The following PRCD variants were observed in gnomAD, a reference collection of about 807,000 sequenced individuals.
PRCD encodes the protein photoreceptor disc component.
PRCD carries 12 observed loss-of-function variants against 10.1 expected under a neutral mutation model. The ratio of observed to expected loss-of-function variants is 1.18; its 90% confidence interval spans 0.76 to 1.92. The LOEUF (loss-of-function observed/expected upper bound fraction) is 1.92. Ranked by LOEUF, PRCD falls within the 40% of genes most tolerant of loss-of-function variation. PRCD has a pLI of 0.00. For synonymous variants in PRCD, 31 were observed against 26.2 expected, an observed-to-expected ratio of 1.18 and a Z score of -0.56; for missense variants, 61 against 72.2, an observed-to-expected ratio of 0.84 and a Z score of 0.56.
exon 1 of PRCD, chr17:76,527,815 G>A (rs1449160939): frequency 4.4e-6 from 2 of 453,804 alleles, no homozygotes; most frequent in Non-Finnish European, 8.8e-6. Flanking sequence ...CTCTGCCCCT[G>A]CCCATTCTAG....
chr17:76,533,920 A>G lies in PRCD; in HGVS notation n.45+6087A>G, dbSNP rs2143099923. On this transcript the variant is annotated intron_variant and non_coding_transcript_variant, in intron 1 of 4. Transcript: ENST00000397633. The surrounding 1 kb of genome is among the most constrained non-coding windows in gnomAD (Gnocchi z 4.5). ...GTGGTGCCCGTCTGTAGTCCTAGCT[A>G]CTTGGGAGGCTGCAGCAGGAAGATC... 6.6e-6 allele frequency among the ~76,000 whole-genome samples: 1 copy of G among 152,042 alleles called. No individual in the cohort carries two copies. Among genetic ancestry groups the G allele is most frequent in the East Asian group, 1.9e-4 (1 of 5,172 alleles).
chr17:76,544,586 AGCCTGACCCAGGCCGTGAGCCCGTGATC>A lies in PRCD; in HGVS notation c.*942_*969del, dbSNP rs1358412002. ...CCTGCAGAGGCAAAGCCAGAGCGCCAGCCTGACCCAGGCCGTGAGCCCGTGATCGCCTGTCTCAGCTCCTGTCAGCCTG... is the reference window on the plus strand; with the variant it reads ...CCTGCAGAGGCAAAGCCAGAGCGCCAGCCTGTCTCAGCTCCTGTCAGCCTG... On this transcript the variant is annotated 3_prime_UTR_variant, in exon 5 of 5. Transcript: ENST00000592014. 6.6e-6 allele frequency: 3 copies of A among 456,634 alleles called. No individual in the cohort carries two copies. Among genetic ancestry groups the A allele is most frequent in the Non-Finnish European group, 8.8e-6 (2 of 226,990 alleles). 28.3% of individuals were successfully genotyped at this position (456,634 alleles called of 1,614,324 possible).
chr17:76,543,742 G>A (rs375538145), intron 4 of PRCD, 61 bp from the exon 5 acceptor site: 6 of 469,282 alleles, frequency 1.3e-5, no homozygotes, highest in African/African-American at 6.0e-5. Flanking sequence ...CTTGTGGTCC[G>A]AGGTGCTGGT....
At position 76,528,870 on chromosome 17, in the gene PRCD, CAT is replaced by C. The variant is rs1890406223; in HGVS notation, n.45+1039_45+1040del. The C allele has an allele frequency of 8.2e-7, 1 of 1,219,100 alleles. No homozygotes were observed. The highest frequency in any genetic ancestry group is 1.6e-5 in the African/African-American group (1 of 64,174). The allele number at this position is 1,219,100 out of a possible 1,614,324, so 75.5% of individuals were successfully genotyped here. On this transcript the variant is annotated intron_variant and non_coding_transcript_variant, in intron 1 of 4. Coordinates refer to the PRCD transcript ENST00000397633. The surrounding 1 kb of genome is among the most constrained non-coding windows in gnomAD (Gnocchi z 5.8). The stretch of plus-strand genomic sequence containing the variant: ...AATGTGAATAATGTCTGTCTTGTGA[CAT>C]AAACTGGGTAAAAAAGTGTTTCACA...
downstream of PRCD, among the ~76,000 whole-genome samples, chr17:76,549,063 A>G (rs747632787): frequency 1.3e-5 from 2 of 152,234 alleles, no homozygotes; most frequent in African/African-American, 4.8e-5. Flanking sequence ...AGGCAATCCA[A>G]TGGAGAAAGA....
At chr17:76,542,793 C>T (rs896865855) in intron 3 of PRCD, among the ~76,000 whole-genome samples, 160 bp downstream of exon 3, 3 of 152,220 alleles carry the variant, frequency 2.0e-5, no homozygotes, top group Non-Finnish European at 4.4e-5. Context: ...CCTTTGGCTG[C>T]TACCTTGAGC....
At chr17:76,532,049 A>T (rs2074850923) in intron 1 of PRCD, 1 of 194,984 alleles carries the variant, frequency 5.1e-6, no homozygotes, top group Non-Finnish European at 1.1e-5. Flanking sequence ...TCATGAGTTG[A>T]TCTGAAATTA....
upstream of PRCD, among the ~76,000 whole-genome samples, chr17:76,539,287 A>G (rs2074959079): frequency 1.3e-5 from 2 of 152,204 alleles, no homozygotes; most frequent in Admixed American, 1.3e-4. Flanking sequence ...TGGAAAGAAA[A>G]TAGGAGAAAT....
chr17:76,548,690 T>C (rs1343573978), downstream of PRCD, among the ~76,000 whole-genome samples: 1 of 152,118 alleles, frequency 6.6e-6, no homozygotes, highest in Non-Finnish European at 1.5e-5. Flanking sequence ...GACCAGAAGC[T>C]CTCTGGGGGC....
chr17:76,530,377 C>T lies in PRCD; in HGVS notation n.45+2544C>T, dbSNP rs2074822150. Among the ~76,000 whole-genome samples the T allele has an allele frequency of 6.6e-6, 1 of 152,102 alleles. No homozygotes were observed. Among genetic ancestry groups the T allele is most frequent in the Non-Finnish European group, 1.5e-5 (1 of 68,014 alleles). On this transcript the variant is annotated intron_variant and non_coding_transcript_variant, in intron 1 of 4. Coordinates refer to the PRCD transcript ENST00000397633. The surrounding 1 kb of genome is among the most constrained non-coding windows in gnomAD (Gnocchi z 6.1). ...ACCCTCCTTGAGCCACCTCCTGGGC[C>T]CAGAACTGGAAGCCCAGCCTCCAGG...
upstream of PRCD, chr17:76,537,366 T>G: frequency 1.3e-6 from 2 of 1,560,320 alleles, no homozygotes; most frequent in Non-Finnish European, 8.6e-7. Context: ...CCGCCCTCCC[T>G]GCCCAGGGCC....
chr17:76,542,202 T>A (rs569946383), intron 2 of PRCD, among the ~76,000 whole-genome samples: 1 of 152,310 alleles, frequency 6.6e-6, no homozygotes, highest in South Asian at 2.1e-4. Flanking sequence ...CTGGACCTCC[T>A]GGCAGGAGAG....
Position 76,528,034 on chromosome 17 carries a change from A to G in PRCD, n.45+201A>G, listed in dbSNP as rs982182216. The stretch of plus-strand genomic sequence containing the variant: ...GCCAGAACACTCTGTTCTCTGCACA[A>G]CCGGAACCCCTCCCTGCCCCACTCA... On this transcript the variant is annotated intron_variant and non_coding_transcript_variant, in intron 1 of 4. Transcript: ENST00000397633. This position sits in a 1 kb window ranked among gnomAD's most constrained non-coding sequence, Gnocchi z 5.8. 1.4e-5 allele frequency: 5 copies of G among 367,024 alleles called. No homozygotes were observed. The Admixed American group carries it at 1.9e-4, about 14-fold the overall frequency. 22.7% of individuals were successfully genotyped at this position (367,024 alleles called of 1,614,324 possible).
At chr17:76,552,772 G>A (rs2075119161) in intron 1 of PRCD, 1 of 149,994 alleles carries the variant, frequency 6.7e-6, no homozygotes, top group Non-Finnish European at 1.5e-5. Context: ...GCTGAGGCAG[G>A]AGAATCACAT....
At position 76,540,337 on chromosome 17, in the gene PRCD, T is replaced by C; in HGVS notation, c.74+122T>C. The C allele has an allele frequency of 7.6e-7, 1 of 1,323,608 alleles. No individual in the cohort carries two copies. The highest frequency in any genetic ancestry group is 1.1e-6 in the Non-Finnish European group (1 of 937,956). 82.0% of individuals were successfully genotyped at this position (1,323,608 alleles called of 1,614,324 possible). On this transcript the variant is annotated intron_variant, in intron 1 of 4. Transcript: ENST00000592014. The surrounding 1 kb of genome is among the most constrained non-coding windows in gnomAD (Gnocchi z 5.0). ...ACCTTCAGCGGGGCTGGGAGGGCAT[T>C]TTGAGGAACCCTTGAGAGAGCACAG...
At chr17:76,548,138 C>A (rs2075073359), downstream of PRCD, among the ~76,000 whole-genome samples, 4 of 151,850 alleles carry the variant, frequency 2.6e-5, no homozygotes, top group Admixed American at 6.6e-5. Context: ...CACATGCATA[C>A]ACAGACATAC....
upstream of PRCD, among the ~76,000 whole-genome samples, chr17:76,539,068 C>T (rs138217227): frequency 3.2e-3 from 493 of 152,344 alleles, 2 homozygotes; most frequent in Non-Finnish European, 5.3e-3. Context: ...GCCTCTGACA[C>T]TGTCTCCCCC....
At position 76,540,260 on chromosome 17, in the gene PRCD, GGGGCAT is replaced by G; in HGVS notation, c.74+49_74+54del. ...ATGGCTGGCGGTTGGTCGGGGGGGGGGGGCATGGGGCTGGGCTGCCACCAAGCTGAA... is the reference window on the plus strand; with the variant it reads ...ATGGCTGGCGGTTGGTCGGGGGGGGGGGGGCTGGGCTGCCACCAAGCTGAA... On this transcript the variant is annotated intron_variant, in intron 1 of 4. Transcript: ENST00000592014. This position sits in a 1 kb window ranked among gnomAD's most constrained non-coding sequence, Gnocchi z 5.0. 2 of 933,210 alleles carry G rather than the reference GGGGCAT, an allele frequency of 2.1e-6. No homozygotes were observed. Among genetic ancestry groups the G allele is most frequent in the Non-Finnish European group, 1.7e-6 (1 of 590,200 alleles). 57.8% of individuals were successfully genotyped at this position (933,210 alleles called of 1,614,324 possible).
rs1598211555 is a variant in PRCD, at chr17:76,540,435, G to A, written c.75-70G>A. On this transcript the variant is annotated intron_variant, in intron 1 of 4. Transcript: ENST00000592014. The surrounding 1 kb of genome is among the most constrained non-coding windows in gnomAD (Gnocchi z 5.0). ...CTACTCCCATAGCCCAATGCGGCCT[G>A]GACCTGTGGAGGGACAGTGAGGGGC... 1 of 1,545,066 alleles carries A rather than the reference G, an allele frequency of 6.5e-7. No homozygotes were observed. Among genetic ancestry groups the A allele is most frequent in the African/African-American group, 1.4e-5 (1 of 73,648 alleles).
Sources: allele counts gnomAD v4.1 joint callset (sites outside exome capture counted in the v4.1 genomes callset), GRCh38; gene constraint gnomAD v4.1.1; non-coding constraint Gnocchi (gnomAD v3.1); transcripts MANE v1.5; gene names NCBI Gene and HGNC (gene_info 2026-07-23, HGNC 2026-07-21).